Variants in USP34 observed in about 807,000 individuals in gnomAD.
USP34 encodes the protein ubiquitin specific peptidase 34, also known as ubiquitin carboxyl-terminal hydrolase 34.
A neutral mutation model predicts 460.3 loss-of-function variants in USP34; 70 were observed. The observed-to-expected ratio is 0.15, with a 90% CI of 0.13 to 0.19. USP34 has a LOEUF of 0.19. USP34 is among the 10% of genes least tolerant of loss of function. The probability of loss-of-function intolerance (pLI) is 1.00; values close to 1 mark genes in which losing one functional copy is unlikely to be tolerated. For missense variants in USP34, 3,985 were observed against 4,236.2 expected, an observed-to-expected ratio of 0.94 and a Z score of 1.65; for synonymous variants, 1,647 against 1,405.3, an observed-to-expected ratio of 1.17 and a Z score of -3.85.
chr2:61,299,059 CAG>C (rs1330468289), intron 29 of USP34, among the ~76,000 whole-genome samples: 1 of 152,062 alleles, frequency 6.6e-6, no homozygotes, highest in Non-Finnish European at 1.5e-5. Flanking sequence ...GGTGAGAAAA[CAG>C]AGGTTTCATG....
chr2:61,387,313 A>C (rs1171554996), intron 5 of USP34, among the ~76,000 whole-genome samples: 1 of 151,876 alleles, frequency 6.6e-6, no homozygotes, highest in East Asian at 1.9e-4. Flanking sequence ...AAGTACAAAA[A>C]ATTTAGCCAG....
At chr2:61,297,984 C>T (rs72886828) in intron 29 of USP34, among the ~76,000 whole-genome samples, 19,421 of 152,146 alleles carry the variant, frequency 0.13, 1,394 homozygotes, top group African/African-American at 0.16. Flanking sequence ...TTCAATAAAA[C>T]AACTCATCAT....
intron 27 of USP34, among the ~76,000 whole-genome samples, chr2:61,303,575 T>C (rs960061560): frequency 2.6e-5 from 4 of 152,236 alleles, no homozygotes; most frequent in African/African-American, 9.6e-5. Context: ...CTTTGGCTAC[T>C]GGATGGACAG....
intron 10 of USP34, among the ~76,000 whole-genome samples, chr2:61,354,859 T>G (rs2103796398): frequency 6.6e-6 from 1 of 152,250 alleles, no homozygotes; most frequent in South Asian, 2.1e-4. Context: ...GTTGCCAGAA[T>G]GCTTCAATGC....
At chr2:61,376,694 T>C (rs187263209) in intron 8 of USP34, among the ~76,000 whole-genome samples, 129 of 152,022 alleles carry the variant, frequency 8.5e-4, no homozygotes, top group Non-Finnish European at 1.5e-3. Context: ...GTCGCCCAGG[T>C]TGGAGTGAAA....
chr2:61,347,908 A>G lies in USP34; in HGVS notation c.2247T>C (p.His749=), dbSNP rs201498262. 3.7e-6 allele frequency: 6 copies of G among 1,613,650 alleles called. No individual in the cohort carries two copies. The highest frequency in any genetic ancestry group is 2.2e-5 in the East Asian group (1 of 44,888). The part of the protein sequence containing the change: ...FNCRQFIGPQ[H]HHHHHHHHHH... ...GGTGATGGTGGTGGTGGTGGTGGTG[A>G]TGCTGTGGACCAATAAATTGTCGAC... Residue 749 remains histidine, a synonymous_variant, in exon 15 of 80, where the codon CAT becomes CAC. Coordinates refer to ENST00000398571, the MANE Select transcript of USP34 (RefSeq NM_014709.4).
chr2:61,214,281 G>C lies in USP34; in HGVS notation c.8461C>G (p.Gln2821Glu). Residue 2821 changes from glutamine to glutamate, a missense_variant, in exon 68 of 80, where the codon CAG (glutamine) becomes GAG (glutamate). Gln to Glu is a conservative substitution (Grantham distance 29). Coordinates refer to ENST00000398571, the MANE Select transcript of USP34 (RefSeq NM_014709.4). The part of the protein sequence containing the change: ...DCPENIRLIV[Q>E]NPVVTKNIAF... ...ATGTTCTTGGTTACCACTGGGTTCT[G>C]AACAATAAGGCGGATATTCTCTGGA... 3 of 1,614,200 alleles carry C rather than the reference G, an allele frequency of 1.9e-6. No homozygotes were observed. The highest frequency in any genetic ancestry group is 2.5e-6 in the Non-Finnish European group (3 of 1,180,036).
At position 61,343,850 on chromosome 2, in the gene USP34, T is replaced by C. The variant is rs1399737581; in HGVS notation, c.2465A>G (p.Asn822Ser). Residue 822 changes from asparagine to serine, a missense_variant, in exon 16 of 80, where the codon AAT (asparagine) becomes AGT (serine). Transcript: ENST00000398571. Reference sequence around the variant, plus strand: ...ATGTTCATGGTAAATGGAAGCTAAATTGGGAAGATGTTGTTGGAGGTGAGA... The same window carrying C: ...ATGTTCATGGTAAATGGAAGCTAAACTGGGAAGATGTTGTTGGAGGTGAGA... Reference protein sequence around the residue: ...LTSHLQQHLPNLASIYHEHLS... With the variant: ...LTSHLQQHLPSLASIYHEHLS... 3.1e-6 allele frequency: 5 copies of C among 1,613,872 alleles called. No individual in the cohort carries two copies. Among genetic ancestry groups the C allele is most frequent in the East Asian group, 4.5e-5 (2 of 44,846 alleles).
At chr2:61,292,826 A>C (rs1035692464) in intron 33 of USP34, among the ~76,000 whole-genome samples, 2 of 152,150 alleles carry the variant, frequency 1.3e-5, no homozygotes, top group African/African-American at 2.4e-5. Flanking sequence ...ATATTCTATA[A>C]GCAATTTTAT....
At chr2:61,262,152 T>C (rs1382800356) in intron 43 of USP34, among the ~76,000 whole-genome samples, 3 of 135,940 alleles carry the variant, frequency 2.2e-5, no homozygotes, top group East Asian at 4.1e-4. Context: ...GATAGATAGA[T>C]AGATATAGAA....
At chr2:61,441,164 G>A (rs1237919449) in intron 1 of USP34, among the ~76,000 whole-genome samples, 8 of 147,898 alleles carry the variant, frequency 5.4e-5, no homozygotes. Context: ...TTTGGACTCA[G>A]AGTCTTGCTC....
chr2:61,445,370 C>T (rs1417582867), intron 1 of USP34, among the ~76,000 whole-genome samples: 1 of 150,648 alleles, frequency 6.6e-6, no homozygotes, highest in Non-Finnish European at 1.5e-5. Flanking sequence ...CCCATCTCTA[C>T]GAAAAATACA....
At chr2:61,430,139 C>T (rs1441483077) in intron 1 of USP34, among the ~76,000 whole-genome samples, 1 of 150,626 alleles carries the variant, frequency 6.6e-6, no homozygotes, top group Non-Finnish European at 1.5e-5. Flanking sequence ...GGCGTGGACC[C>T]GAGAGGCGGA....
Position 61,188,759 on chromosome 2 carries a change from C to A in USP34, c.10034-50G>T. 4 of 1,592,764 alleles carry A rather than the reference C, an allele frequency of 2.5e-6. No individual in the cohort carries two copies. The South Asian group carries it at 4.6e-5, about 18-fold the overall frequency. ...AAACTTCTCTGAAAGTCATTAAGAT[C>A]ACGTTAGGGGGGGATGTGGGAAGTT... On this transcript the variant is annotated intron_variant, in intron 79 of 79. Transcript: ENST00000398571.
chr2:61,222,596 T>A, intron 65 of USP34, 23 bp downstream of exon 65: 6 of 1,602,906 alleles, frequency 3.7e-6, no homozygotes, highest in Non-Finnish European at 5.1e-6. Flanking sequence ...TTTAAAAACA[T>A]AAATTAACAA....
At chr2:61,258,985 C>T (rs758715827) in intron 44 of USP34, among the ~76,000 whole-genome samples, 13 of 152,134 alleles carry the variant, frequency 8.5e-5, no homozygotes, top group Non-Finnish European at 1.5e-4. Context: ...CAGCTCCGGG[C>T]ACGGTGGCTC....
intron 30 of USP34, among the ~76,000 whole-genome samples, chr2:61,296,466 G>A (rs926951121): frequency 6.6e-6 from 1 of 151,930 alleles, no homozygotes; most frequent in Admixed American, 6.6e-5. Flanking sequence ...TTTCACCTCT[G>A]TGTATTTTCT....
intron 75 of USP34, among the ~76,000 whole-genome samples, chr2:61,194,633 A>G (rs1350668293): frequency 1.3e-5 from 2 of 152,198 alleles, no homozygotes; most frequent in Middle Eastern, 3.2e-3. Flanking sequence ...GTAGTAGCTA[A>G]GACTGCAGGC....
At chr2:61,422,475 G>A (rs892968973) in intron 1 of USP34, among the ~76,000 whole-genome samples, 1 of 152,130 alleles carries the variant, frequency 6.6e-6, no homozygotes, top group Non-Finnish European at 1.5e-5. Context: ...GCAAGTGAAG[G>A]ACATTTCATC....
Sources: gnomAD v4.1 joint callset for allele counts (sites outside exome capture counted in the v4.1 genomes callset) on GRCh38, gnomAD v4.1.1 for gene constraint, MANE v1.5 for transcripts, NCBI Gene and HGNC (gene_info 2026-07-23, HGNC 2026-07-21) for gene names.